Variants in KLF8 observed in about 807,000 individuals in gnomAD.
The protein encoded by KLF8 is Krueppel-like factor 8.
In KLF8, 10 loss-of-function variants were observed where a neutral mutation model predicts 18.2. That is an observed-to-expected ratio of 0.55 (90% CI 0.34 to 0.93). KLF8 has a LOEUF of 0.93. KLF8 is among the 40% of genes least tolerant of loss of function. The probability of loss-of-function intolerance (pLI) is 0.02; values close to 1 mark genes in which losing one functional copy is unlikely to be tolerated. For synonymous variants in KLF8, 109 were observed against 97.3 expected (o/e 1.12, Z -0.71); for missense variants, 264 against 277.9 (o/e 0.95, Z 0.36).
In KLF8 at chrX:56,289,753, A is replaced by C. The variant is rs2067304423; in HGVS notation, c.*5259A>C. Among the ~76,000 whole-genome samples, 1 of 111,513 alleles carries C rather than the reference A, an allele frequency of 9.0e-6. No homozygotes were observed. The highest frequency in any genetic ancestry group is 1.9e-5 in the Non-Finnish European group (1 of 53,128). ...ATCTGAATTGTTAACCTGTATACCC[A>C]TGGGAAACAACTTTATCAACTACAG... On this transcript the variant is annotated 3_prime_UTR_variant, in exon 6 of 6. Transcript: ENST00000468660.
intron 2 of KLF8, among the ~76,000 whole-genome samples, chrX:56,254,465 C>T (rs957019979): frequency 1.8e-5 from 2 of 112,066 alleles, no homozygotes; most frequent in Admixed American, 1.9e-4. Flanking sequence ...ACCCTTTTAG[C>T]TTTGCTGTTT....
the KLF8 span, among the ~76,000 whole-genome samples, chrX:56,008,763 G>A: frequency 6.2e-5 from 7 of 112,283 alleles, no homozygotes; most frequent in African/African-American, 2.3e-4. Flanking sequence ...GTGCCAGGGA[G>A]ACTGGGCAGT....
chrX:56,126,815 C>T, the KLF8 span, among the ~76,000 whole-genome samples: 4 of 101,743 alleles, frequency 3.9e-5, no homozygotes, highest in Admixed American at 1.1e-4. Context: ...TGCAATGGCA[C>T]GATCTTGGCT....
chrX:56,124,313 A>T, the KLF8 span, among the ~76,000 whole-genome samples: 1 of 111,782 alleles, frequency 8.9e-6, no homozygotes, highest in Non-Finnish European at 1.9e-5. Flanking sequence ...AAAGTGCCTA[A>T]AACAAAGTTT....
At chrX:55,967,651 C>T in the KLF8 span, among the ~76,000 whole-genome samples, 1 of 111,386 alleles carries the variant, frequency 9.0e-6, no homozygotes, top group South Asian at 3.8e-4. Flanking sequence ...CATTCATGAG[C>T]ATTAAGAAAT....
chrX:56,270,182 A>T lies in KLF8; in HGVS notation c.759A>T (p.Glu253Asp). Residue 253 changes from glutamate (E) to aspartate (D), a missense_variant and splice_region_variant, in exon 5 of 6, where the codon GAA (glutamate) becomes GAT (aspartate). Around this residue, in one of 2 missense-constraint regions of KLF8, gnomAD observed 221 missense variants for 193.6 expected, o/e 1.14. Transcript: ENST00000468660. ...ALQSLQGLQQ[E>D]PAAMAQMQGE... Reference sequence around the variant, plus strand: ...GCTTTATCTCTATTTCTTTGATCAGACCAGCAGCAATGGCCCAAATGCAGG... The same window carrying T: ...GCTTTATCTCTATTTCTTTGATCAGTCCAGCAGCAATGGCCCAAATGCAGG... 1 of 1,208,133 alleles carries T rather than the reference A, an allele frequency of 8.3e-7. No individual in the cohort carries two copies. Among genetic ancestry groups the T allele is most frequent in the Non-Finnish European group, 1.1e-6 (1 of 893,620 alleles).
chrX:56,207,500 T>G, the KLF8 span, among the ~76,000 whole-genome samples: 1 of 111,675 alleles, frequency 9.0e-6, no homozygotes, highest in African/African-American at 3.3e-5. Flanking sequence ...TATATCATCT[T>G]TCTCAATTTC....
At chrX:56,107,490 G>A in the KLF8 span, among the ~76,000 whole-genome samples, 1 of 111,765 alleles carries the variant, frequency 8.9e-6, no homozygotes, top group East Asian at 2.8e-4. Context: ...TGTGCTAGCC[G>A]TCATCAAGGC....
chrX:56,119,649 C>CT, the KLF8 span, among the ~76,000 whole-genome samples: 1 of 110,122 alleles, frequency 9.1e-6, no homozygotes, highest in Non-Finnish European at 1.9e-5. Context: ...ATCCACCCGC[C>CT]TTTGCCTCCC....
the KLF8 span, among the ~76,000 whole-genome samples, chrX:56,201,853 G>A: frequency 3.6e-5 from 4 of 111,691 alleles, no homozygotes; most frequent in African/African-American, 9.7e-5. Flanking sequence ...CCCTAAGTCA[G>A]TTTTCAACAA....
the KLF8 span, among the ~76,000 whole-genome samples, chrX:56,161,692 A>G: frequency 7.2e-5 from 8 of 110,630 alleles, no homozygotes; most frequent in Non-Finnish European, 1.3e-4. Context: ...AAGGTTTTTG[A>G]CTTCTTCACG....
chrX:55,941,561 A>T, the KLF8 span, among the ~76,000 whole-genome samples: 12 of 112,193 alleles, frequency 1.1e-4, no homozygotes, highest in Non-Finnish European at 1.7e-4. Flanking sequence ...AGCAAAAGAA[A>T]CCACCATCAG....
the KLF8 span, among the ~76,000 whole-genome samples, chrX:56,184,016 TGGCAC>T: frequency 1.8e-5 from 2 of 111,269 alleles, no homozygotes; most frequent in Non-Finnish European, 1.9e-5. Flanking sequence ...GCCAGACAGT[TGGCAC>T]AGGACAGTGG....
the KLF8 span, among the ~76,000 whole-genome samples, chrX:55,979,931 T>C: frequency 3.6e-5 from 4 of 112,046 alleles, no homozygotes; most frequent in Non-Finnish European, 7.5e-5. Context: ...TCTGTGATGC[T>C]TCTTTGTCAA....
chrX:56,107,725 C>G, the KLF8 span, among the ~76,000 whole-genome samples: 1 of 111,423 alleles, frequency 9.0e-6, no homozygotes, highest in African/African-American at 3.3e-5. Context: ...CCGTGTGCTG[C>G]ACCCACAGTC....
the KLF8 span, among the ~76,000 whole-genome samples, chrX:56,107,913 A>G: frequency 8.9e-6 from 1 of 112,170 alleles, no homozygotes; most frequent in African/African-American, 3.2e-5. Context: ...TTTAGTGGAC[A>G]AATCTTTCAC....
the KLF8 span, among the ~76,000 whole-genome samples, chrX:56,051,954 G>C: frequency 2.7e-5 from 3 of 110,167 alleles, no homozygotes; most frequent in Non-Finnish European, 5.7e-5. Context: ...ATTTCTTGGA[G>C]GCTTTGCTCA....
chrX:56,128,441 C>T, the KLF8 span, among the ~76,000 whole-genome samples: 3 of 111,675 alleles, frequency 2.7e-5, no homozygotes, highest in Non-Finnish European at 3.8e-5. Flanking sequence ...TATATCCTTT[C>T]GCCAGAGCTT....
the KLF8 span, among the ~76,000 whole-genome samples, chrX:55,988,421 G>T: frequency 3.6e-5 from 4 of 111,760 alleles, no homozygotes; most frequent in African/African-American, 1.3e-4. Flanking sequence ...TCTACATATG[G>T]CTAGCCAGTT....
Sources: allele counts gnomAD v4.1 joint callset (sites outside exome capture counted in the v4.1 genomes callset), GRCh38; gene constraint gnomAD v4.1.1; regional missense constraint gnomAD v4.1.1; transcripts MANE v1.5; gene names NCBI Gene and HGNC (gene_info 2026-07-23, HGNC 2026-07-21).